The following GCAT variants were observed in gnomAD, a reference collection of about 807,000 sequenced individuals.
GCAT encodes glycine C-acetyltransferase.
In GCAT, 26 loss-of-function variants were observed where a neutral mutation model predicts 39.7. The observed-to-expected ratio is 0.65, with a 90% CI of 0.48 to 0.91. The LOEUF is 0.91. Among genes scored for constraint, GCAT ranks in the 40% least tolerant of loss-of-function variants. The pLI, the probability that GCAT is intolerant of heterozygous loss-of-function variation, is 0.00. For synonymous variants in GCAT, 218 were observed against 237.2 expected, an observed-to-expected ratio of 0.92 and a Z score of 0.74; for missense variants, 550 against 576.2, an observed-to-expected ratio of 0.95 and a Z score of 0.47.
At chr22:37,813,986 G>A (rs185151646) in intron 4 of GCAT, among the ~76,000 whole-genome samples, 50 of 152,118 alleles carry the variant, frequency 3.3e-4, no homozygotes, top group Non-Finnish European at 6.0e-4. Context: ...GGCTGGTCTC[G>A]AACTCCTGAC....
chr22:37,814,154 G>T (rs1482286152), intron 4 of GCAT, among the ~76,000 whole-genome samples: 1 of 152,102 alleles, frequency 6.6e-6, no homozygotes, highest in South Asian at 2.1e-4. Flanking sequence ...AGGCTGTATT[G>T]CAATGGTGCA....
intron 3 of GCAT, chr22:37,813,246 C>A: frequency 2.9e-6 from 2 of 695,088 alleles, no homozygotes; most frequent in Non-Finnish European, 5.3e-6. Context: ...GCCTGGTACT[C>A]ACCAAATATA....
chr22:37,813,788 CAG>C (rs1382526153), intron 4 of GCAT, among the ~76,000 whole-genome samples, 179 bp downstream of exon 4: 3 of 151,350 alleles, frequency 2.0e-5, no homozygotes, highest in Non-Finnish European at 2.9e-5. Flanking sequence ...TTCCCTGAGA[CAG>C]AGTTTCACTC....
downstream of GCAT, chr22:37,817,074 C>T (rs376659183): frequency 4.8e-6 from 1 of 207,050 alleles, no homozygotes; most frequent in South Asian, 8.9e-5. Flanking sequence ...CCTGTAATCC[C>T]AGCACTTTGG....
intron 2 of GCAT, among the ~76,000 whole-genome samples, chr22:37,812,080 C>CAA (rs1366822059): frequency 2.0e-5 from 3 of 151,494 alleles, no homozygotes; most frequent in African/African-American, 7.3e-5. Flanking sequence ...CCTGTAATCC[C>CAA]AATACTTTTG....
chr22:37,813,751 C>A, intron 4 of GCAT, 142 bp downstream of exon 4: 2 of 719,786 alleles, frequency 2.8e-6, no homozygotes, highest in Non-Finnish European at 4.5e-6. Context: ...AGATCCCTCA[C>A]ACCCAGAGCA....
At chr22:37,815,386 G>A (rs1922049895) in intron 5 of GCAT, 32 bp from the exon 6 acceptor site, 1 of 1,598,776 alleles carries the variant, frequency 6.3e-7, no homozygotes, top group Non-Finnish European at 8.5e-7. Flanking sequence ...CTCTCAGGAG[G>A]CCAGTGACAG....
Position 37,812,882 on chromosome 22 carries a change from T to C in GCAT, c.328-5T>C, listed in dbSNP as rs749159462. The C allele has an allele frequency of 2.5e-6, 4 of 1,602,274 alleles. No homozygotes were observed. The East Asian group carries it at 6.7e-5, about 27-fold the overall frequency. On this transcript the variant is annotated splice_polypyrimidine_tract_variant and splice_region_variant and intron_variant, in intron 2 of 8. Coordinates refer to ENST00000248924, the MANE Select transcript of GCAT (RefSeq NM_014291.4). ...ATCAACACGTGTCTCACTCATTTTC[T>C]TCAGAGCATCCACAAGAATCTAGAA...
Position 37,816,620 on chromosome 22 carries a change from A to G in GCAT, c.1162A>G (p.Ile388Val). The change falls in exon 9 of 9, where the codon ATC (isoleucine) becomes GTC (valine). Residue 388 changes from isoleucine (I) to valine (V), a missense_variant. Around this residue, in one of 3 missense-constraint regions of GCAT, gnomAD observed 378 missense variants for 390.4 expected, o/e 0.97. Coordinates refer to ENST00000248924, the MANE Select transcript of GCAT (RefSeq NM_014291.4). ...YPVVPKGKAR[I>V]RVQISAVHSE... ...CGTGGTCCCCAAGGGCAAGGCCCGG[A>G]TCCGGGTACAGATCTCAGCAGTGCA... 1.2e-6 allele frequency: 2 copies of G among 1,614,166 alleles called. No homozygotes were observed. Among genetic ancestry groups the G allele is most frequent in the Non-Finnish European group, 1.7e-6 (2 of 1,180,024 alleles).
At chr22:37,812,369 T>C (rs1219903054) in intron 2 of GCAT, among the ~76,000 whole-genome samples, 1 of 152,044 alleles carries the variant, frequency 6.6e-6, no homozygotes, top group African/African-American at 2.4e-5. Context: ...GAGTCTGTGC[T>C]CCTGACTACT....
intron 1 of GCAT, among the ~76,000 whole-genome samples, chr22:37,809,736 C>T (rs1222739702): frequency 6.6e-6 from 1 of 152,016 alleles, no homozygotes; most frequent in Non-Finnish European, 1.5e-5. Context: ...GGGAGGATTG[C>T]TTGAGCCTGG....
chr22:37,813,591 C>A lies in GCAT; in HGVS notation c.558C>A (p.Ala186=). Residue 186 remains alanine, a synonymous_variant, in exon 4 of 9, where the codon GCC becomes GCA. Transcript: ENST00000248924. ...YRHLDMADLE[A]KLQEAQKHRL... ...ACCTGGACATGGCCGACCTAGAAGC[C>A]AAGCTGCAGGAGGCCCAGGTGGGGC... The A allele has an allele frequency of 6.2e-7, 1 of 1,610,176 alleles. No homozygotes were observed. Among genetic ancestry groups the A allele is most frequent in the Admixed American group, 1.7e-5 (1 of 59,866 alleles).
At chr22:37,814,710 T>G (rs1921969395) in intron 4 of GCAT, among the ~76,000 whole-genome samples, 1 of 152,132 alleles carries the variant, frequency 6.6e-6, no homozygotes, top group Admixed American at 6.6e-5. Context: ...GTTGCCCAGG[T>G]GGGTCTCGAA....
At position 37,815,438 on chromosome 22, in the gene GCAT, G is replaced by A. The variant is rs200622404; in HGVS notation, c.752G>A (p.Gly251Asp). The A allele has an allele frequency of 7.5e-6, 12 of 1,610,718 alleles. No individual in the cohort carries two copies. The South Asian group carries it at 7.7e-5, about 10-fold the overall frequency. ...TGCAGGGGCACAGATGAGCTGCTGG[G>A]TGTGATGGACCAGGTCACCATCATC... ...PTGRGTDELL[G>D]VMDQVTIINS... The change falls in exon 6 of 9, where the codon GGT (glycine) becomes GAT (aspartate). Residue 251 changes from glycine (G) to aspartate (D), a missense_variant. Physicochemically the swap from Gly to Asp is moderately conservative, Grantham distance 94. Coordinates refer to ENST00000248924, the MANE Select transcript of GCAT (RefSeq NM_014291.4).
At chr22:37,813,248 C>A (rs1347878828) in intron 3 of GCAT, 14 of 697,680 alleles carry the variant, frequency 2.0e-5, no homozygotes, top group Admixed American at 1.7e-4. Context: ...CTGGTACTCA[C>A]CAAATATATT....
In GCAT at chr22:37,815,166, C is replaced by T. The variant is rs142152598; in HGVS notation, c.617C>T (p.Ser206Phe). ...CTGGTGGCCACTGATGGGGCCTTTT[C>T]CATGGATGGCGACATCGCACCCCTG... Reference protein sequence around the residue: ...LRLVATDGAFSMDGDIAPLQE... With the variant: ...LRLVATDGAFFMDGDIAPLQE... Residue 206 changes from serine to phenylalanine, a missense_variant, in exon 5 of 9, where the codon TCC (serine) becomes TTC (phenylalanine). By Grantham distance (155) the Ser-to-Phe change is radical (BLOSUM62 -2). Transcript: ENST00000248924. 9.4e-4 allele frequency: 1,515 copies of T among 1,614,070 alleles called. 2 individuals are homozygous for T. Among genetic ancestry groups the T allele is most frequent in the Admixed American group, 1.3e-3 (80 of 60,016 alleles).
rs764374861 is a variant in GCAT, at chr22:37,808,010, C to G, written c.43C>G (p.Pro15Ala). 6.5e-7 allele frequency: 1 copy of G among 1,544,480 alleles called. No individual in the cohort carries two copies. The highest frequency in any genetic ancestry group is 1.2e-5 in the South Asian group (1 of 83,922). ...NAWRAALFWV[P>A]RGRRAQSALA... Reference sequence around the variant, plus strand: ...CTGGCGCGCCGCACTCTTCTGGGTGCCCCGCGGCCGCCGCGCACAGTCAGC... The same window carrying G: ...CTGGCGCGCCGCACTCTTCTGGGTGGCCCGCGGCCGCCGCGCACAGTCAGC... Residue 15 changes from proline (P) to alanine (A), a missense_variant, in exon 1 of 9, where the codon CCC becomes GCC. By Grantham distance (27) the Pro-to-Ala change is conservative. Transcript: ENST00000248924.
In GCAT at chr22:37,816,881, G is replaced by A; in HGVS notation, c.*163G>A. On this transcript the variant is annotated 3_prime_UTR_variant, in exon 9 of 9. Coordinates refer to ENST00000248924, the MANE Select transcript of GCAT (RefSeq NM_014291.4). ...GGCTGTGAGAATGTGAAACAACAGT[G>A]TGAAAATTGGCTGTGACACTCTGGT... The A allele has an allele frequency of 1.5e-6, 1 of 659,426 alleles. No individual in the cohort carries two copies. 40.8% of individuals were successfully genotyped at this position (659,426 alleles called of 1,614,324 possible). A position where few individuals can be genotyped will look rare whatever the true frequency, so the allele number is the denominator to read the frequency against.
chr22:37,808,226 CT>C lies in GCAT; in HGVS notation c.196+64del, dbSNP rs1921187069. 18 of 1,317,636 alleles carry C rather than the reference CT, an allele frequency of 1.4e-5. No individual in the cohort carries two copies. In the South Asian group the frequency reaches 2.0e-4, roughly 15 times the overall value. 81.6% of individuals were successfully genotyped at this position (1,317,636 alleles called of 1,614,324 possible). A position where few individuals can be genotyped will look rare whatever the true frequency, so the allele number is the denominator to read the frequency against. On this transcript the variant is annotated intron_variant, in intron 1 of 8. Coordinates refer to ENST00000248924, the MANE Select transcript of GCAT (RefSeq NM_014291.4). ...CCGAGCTTGCGCTGGAATGGAGGTC[CT>C]GGAGGTGGGGGTGGGCGGCTCCTAC...
Sources: gnomAD v4.1 joint callset for allele counts (sites outside exome capture counted in the v4.1 genomes callset) on GRCh38, gnomAD v4.1.1 for gene constraint, gnomAD v4.1.1 regional missense constraint, MANE v1.5 for transcripts, NCBI Gene and HGNC (gene_info 2026-07-23, HGNC 2026-07-21) for gene names.